Variants in CD36 observed in about 807,000 individuals in gnomAD.
CD36 encodes the protein platelet glycoprotein 4.
Under a neutral mutation model 55.2 loss-of-function variants are expected in CD36, and 119 were observed. The observed-to-expected ratio is 2.15, with a 90% confidence interval of 1.86 to 2.51. The LOEUF is 2.51. Among genes scored for constraint, CD36 ranks in the 30% most tolerant of loss-of-function variants. The pLI, the probability that CD36 is intolerant of heterozygous loss-of-function variation, is 0.00. For synonymous variants in CD36, 186 were observed against 193.6 expected (o/e 0.96, Z 0.33); for missense variants, 819 against 555.5 (o/e 1.47, Z -4.77).
intron 8 of CD36, among the ~76,000 whole-genome samples, chr7:80,669,571 T>C (rs3211932): frequency 0.39 from 58,431 of 151,724 alleles, 11,777 homozygotes; most frequent in East Asian, 0.52. Context: ...CGAGCGCCTA[T>C]CTCAGGATAG....
In CD36 at chr7:80,672,790, A is replaced by G. The variant is rs1307095384; in HGVS notation, c.1146A>G (p.Gln382=). The G allele has an allele frequency of 1.2e-6, 2 of 1,610,174 alleles. No individual in the cohort carries two copies. Among genetic ancestry groups the G allele is most frequent in the South Asian group, 1.1e-5 (1 of 90,928 alleles). Residue 382 remains glutamine (Q), a synonymous_variant, in exon 12 of 15, where the codon CAA becomes CAG. Transcript: ENST00000447544. ...DIEPITGFTL[Q]FAKRLQVNLL... ...TTTAGATAACTGGATTCACTTTACA[A>G]TTTGCAAAACGGCTGCAGGTCAACC... is the stretch of plus-strand genomic sequence containing the variant.
intron 9 of CD36, 149 bp downstream of exon 9, chr7:80,670,171 T>C (rs937988231): frequency 7.9e-5 from 51 of 642,586 alleles, no homozygotes; most frequent in African/African-American, 7.8e-4. Flanking sequence ...CAATTTTTAA[T>C]AGTACAAATT....
At chr7:80,621,177 A>G (rs866859371) in intron 1 of CD36, among the ~76,000 whole-genome samples, 2 of 152,290 alleles carry the variant, frequency 1.3e-5, no homozygotes, top group African/African-American at 4.8e-5. Context: ...AGGTATTTTA[A>G]AGTATGTACA....
chr7:80,612,227 A>G (rs1792912516), intron 1 of CD36, among the ~76,000 whole-genome samples: 1 of 152,214 alleles, frequency 6.6e-6, no homozygotes, highest in Non-Finnish European at 1.5e-5. Flanking sequence ...GTTCTATAAT[A>G]TGCTCAATAC....
chr7:80,662,901 G>T, intron 5 of CD36, 89 bp from the exon 6 acceptor site: 1 of 1,076,278 alleles, frequency 9.3e-7, no homozygotes, highest in South Asian at 1.3e-5. Flanking sequence ...AAAAAGTTTT[G>T]TATTAAGCTC....
rs1562825702 is a variant in CD36 at position 80,672,840 on chromosome 7, TTCAG to T, written c.1198_1199+2del. ...CTATTGGTCAAGCCATCAGAAAAAATTCAGTGAGTCTCTTGAAAATGGTTATTTT... is the reference window on the plus strand; with the variant it reads ...CTATTGGTCAAGCCATCAGAAAAAATTGAGTCTCTTGAAAATGGTTATTTT... On this transcript the variant is annotated splice_donor_variant and coding_sequence_variant, in exon 12 of 15. Coordinates refer to ENST00000447544, the MANE Select transcript of CD36 (RefSeq NM_001001548.3). LOFTEE classifies it high-confidence loss of function. 1.2e-6 allele frequency: 2 copies of T among 1,605,948 alleles called. No individual in the cohort carries two copies. The highest frequency in any genetic ancestry group is 4.5e-5 in the East Asian group (2 of 44,566).
At chr7:80,664,013 A>G (rs1002185919) in intron 6 of CD36, among the ~76,000 whole-genome samples, 4 of 152,004 alleles carry the variant, frequency 2.6e-5, no homozygotes, top group African/African-American at 9.7e-5. Context: ...TCATTTTAGT[A>G]ACCACTTATT....
chr7:80,649,756 T>A (rs1037100582), intron 3 of CD36, among the ~76,000 whole-genome samples: 16 of 152,084 alleles, frequency 1.1e-4, no homozygotes, highest in Non-Finnish European at 2.1e-4. Flanking sequence ...TTAGAGAGTT[T>A]TAATGGAGAG....
At chr7:80,625,822 A>G (rs1793709313) in intron 1 of CD36, among the ~76,000 whole-genome samples, 1 of 152,146 alleles carries the variant, frequency 6.6e-6, no homozygotes, top group Non-Finnish European at 1.5e-5. Context: ...TGGATGATAT[A>G]TTGCATTTTG....
intron 5 of CD36, among the ~76,000 whole-genome samples, chr7:80,661,877 C>T (rs906465639): frequency 3.3e-5 from 5 of 152,118 alleles, no homozygotes; most frequent in Non-Finnish European, 2.9e-5. Context: ...AGAGACCACA[C>T]CACTGAATAA....
chr7:80,612,263 A>T lies in CD36; in HGVS notation c.-184+9884A>T, dbSNP rs12531609. Reference sequence around the variant, plus strand: ...ACTGAGTCCTGTAATATAAAATATCATTCCTGTTATGCTAGCAACCTGAAA... The same window carrying T: ...ACTGAGTCCTGTAATATAAAATATCTTTCCTGTTATGCTAGCAACCTGAAA... On this transcript the variant is annotated intron_variant, in intron 1 of 13. Transcript: ENST00000309881. 8.5e-3 allele frequency among the ~76,000 whole-genome samples: 1,295 copies of T among 152,342 alleles called. 59 individuals carry two copies. In the East Asian group the frequency reaches 0.11, roughly 12 times the overall value.
intron 1 of CD36, among the ~76,000 whole-genome samples, chr7:80,630,646 A>T (rs1248139411): frequency 3.3e-5 from 5 of 151,914 alleles, no homozygotes; most frequent in East Asian, 1.9e-4. Flanking sequence ...TTCACCTCAA[A>T]TTTTTGTTCA....
At chr7:80,666,534 T>C in intron 8 of CD36, 45 bp downstream of exon 8, 1 of 1,415,584 alleles carries the variant, frequency 7.1e-7, no homozygotes, top group Non-Finnish European at 1.0e-6. Context: ...TCCACCTCCC[T>C]TTCCCACAAA....
intron 4 of CD36, among the ~76,000 whole-genome samples, chr7:80,657,783 C>T (rs1395494676): frequency 6.6e-6 from 1 of 152,164 alleles, no homozygotes. Context: ...GAATTTGTTA[C>T]CTAAATGTGT....
intron 7 of CD36, among the ~76,000 whole-genome samples, chr7:80,664,930 C>G (rs1383492921): frequency 6.6e-6 from 1 of 150,784 alleles, no homozygotes; most frequent in African/African-American, 2.4e-5. Context: ...TCGAGCATAT[C>G]GAATTCCATA....
Position 80,679,176 on chromosome 7 carries a change from T to G in CD36, c.*2793T>G, listed in dbSNP as rs982571967. 7 of 152,194 alleles carry G rather than the reference T, an allele frequency of 4.6e-5. No homozygotes were observed. Among genetic ancestry groups the G allele is most frequent in the Admixed American group, 4.6e-4 (7 of 15,270 alleles). 9.4% of individuals were successfully genotyped at this position (152,194 alleles called of 1,614,324 possible). ...AACTGAGTTATGTTTAATATTTGTA[T>G]CAAATACATAAAAGGAATACTGCTT... is the stretch of plus-strand genomic sequence containing the variant. On this transcript the variant is annotated 3_prime_UTR_variant, in exon 15 of 15. Transcript: ENST00000447544.
intron 13 of CD36, 52 bp downstream of exon 13, chr7:80,673,461 C>G (rs1384308963): frequency 9.9e-7 from 1 of 1,012,156 alleles, no homozygotes; most frequent in South Asian, 1.3e-5. Context: ...TGTATATAAA[C>G]AAGCTCTTGA....
chr7:80,672,141 T>A (rs1172143861), intron 11 of CD36, 101 bp downstream of exon 11: 1 of 980,494 alleles, frequency 1.0e-6, no homozygotes, highest in South Asian at 1.5e-5. Context: ...TAAATAATCA[T>A]ATTTATTGAA....
rs1413390652 is a variant in CD36 at position 80,664,386 on chromosome 7, T to A, written c.610-20T>A. On this transcript the variant is annotated intron_variant, in intron 6 of 14. Coordinates refer to ENST00000447544, the MANE Select transcript of CD36 (RefSeq NM_001001548.3). ...AAAAATGACTTGTAGAAGTAACATT[T>A]TCCCATACATATATTTCAGTACAAC... 1.6e-6 allele frequency: 2 copies of A among 1,280,636 alleles called. No individual in the cohort carries two copies. The highest frequency in any genetic ancestry group is 4.6e-5 in the East Asian group (2 of 43,210). 79.3% of individuals were successfully genotyped at this position (1,280,636 alleles called of 1,614,324 possible). A position where few individuals can be genotyped will look rare whatever the true frequency, so the allele number is the denominator to read the frequency against.
Sources: gnomAD v4.1 joint callset for allele counts (sites outside exome capture counted in the v4.1 genomes callset) on GRCh38, gnomAD v4.1.1 for gene constraint, MANE v1.5 for transcripts, NCBI Gene and HGNC (gene_info 2026-07-23, HGNC 2026-07-21) for gene names.